Variants in STAC observed in about 807,000 individuals in gnomAD.
STAC encodes the protein SH3 and cysteine rich domain.
A neutral mutation model predicts 48.8 loss-of-function variants in STAC; 43 were observed. That is an observed-to-expected ratio of 0.88 (90% CI 0.69 to 1.14). The LOEUF (loss-of-function observed/expected upper bound fraction) is 1.14. Among genes scored for constraint, STAC ranks in the 50% most tolerant of loss-of-function variants. The probability of loss-of-function intolerance (pLI) is 0.00; values close to 1 mark genes in which losing one functional copy is unlikely to be tolerated. For synonymous variants in STAC, 193 were observed against 179.5 expected, an observed-to-expected ratio of 1.07 and a Z score of -0.60; for missense variants, 497 against 504.0, an observed-to-expected ratio of 0.99 and a Z score of 0.13.
intron 6 of STAC, among the ~76,000 whole-genome samples, chr3:36,498,471 G>A (rs1698201278): frequency 6.6e-6 from 1 of 152,140 alleles, no homozygotes; most frequent in Admixed American, 6.5e-5. Context: ...AGAGAATGGG[G>A]CCCCAGGCAC....
intron 8 of STAC, among the ~76,000 whole-genome samples, chr3:36,521,598 G>A (rs371806188): frequency 1.6e-3 from 250 of 152,176 alleles, no homozygotes; most frequent in African/African-American, 5.7e-3. Context: ...CCATAGCTCC[G>A]AATCACACCA....
intron 1 of STAC, among the ~76,000 whole-genome samples, chr3:36,381,984 T>G (rs1699519511): frequency 6.6e-6 from 1 of 152,212 alleles, no homozygotes; most frequent in South Asian, 2.1e-4. Flanking sequence ...AGAGACATTG[T>G]GAGGAGTACA....
chr3:36,398,351 G>GAAAA (rs1422863670), intron 1 of STAC, among the ~76,000 whole-genome samples: 1 of 133,140 alleles, frequency 7.5e-6, no homozygotes, highest in Non-Finnish European at 1.7e-5. Flanking sequence ...AAGAAAGAAA[G>GAAAA]AAAGAAAGAA....
chr3:36,423,373 AATTAATT>A (rs370046811), intron 1 of STAC, among the ~76,000 whole-genome samples: 63 of 151,934 alleles, frequency 4.1e-4, no homozygotes, highest in African/African-American at 1.2e-3. Context: ...AAAATGGAAT[AATTAATT>A]ATTCTGCTGC....
chr3:36,488,763 GA>G (rs1697884491), intron 5 of STAC, among the ~76,000 whole-genome samples: 1 of 152,056 alleles, frequency 6.6e-6, no homozygotes, highest in Non-Finnish European at 1.5e-5. Context: ...CTCTCACCTA[GA>G]TTATTATAAA....
At chr3:36,413,372 T>C (rs1559482076) in intron 1 of STAC, among the ~76,000 whole-genome samples, 1 of 152,216 alleles carries the variant, frequency 6.6e-6, no homozygotes, top group Admixed American at 6.5e-5. Flanking sequence ...ATTGGGTGCA[T>C]ATATATTTAG....
At position 36,504,378 on chromosome 3, in the gene STAC, T is replaced by A; in HGVS notation, c.767-15T>A. ...CTAGATTCATAGAGCACCTGCTTTC[T>A]CTTGTCTCCTTCAGTGTTTACATAT... On this transcript the variant is annotated splice_polypyrimidine_tract_variant and intron_variant, in intron 6 of 10. Transcript: ENST00000273183. The A allele has an allele frequency of 1.9e-6, 3 of 1,611,922 alleles. No individual in the cohort carries two copies. The highest frequency in any genetic ancestry group is 2.5e-6 in the Non-Finnish European group (3 of 1,178,448).
chr3:36,408,861 T>A (rs1700136348), intron 1 of STAC, among the ~76,000 whole-genome samples: 1 of 152,204 alleles, frequency 6.6e-6, no homozygotes, highest in Non-Finnish European at 1.5e-5. Flanking sequence ...TTAGACCAGG[T>A]TGAAACTTGG....
At chr3:36,413,433 CTTCT>C (rs1422361970) in intron 1 of STAC, among the ~76,000 whole-genome samples, 3 of 152,254 alleles carry the variant, frequency 2.0e-5, no homozygotes, top group Non-Finnish European at 4.4e-5. Context: ...ATGTAATGGC[CTTCT>C]TTGTCTCTTT....
intron 2 of STAC, among the ~76,000 whole-genome samples, chr3:36,446,418 T>A (rs369589032): frequency 6.6e-6 from 1 of 152,238 alleles, no homozygotes; most frequent in South Asian, 2.1e-4. Flanking sequence ...CTGTCTCTTG[T>A]ACTTGGCTAG....
intron 1 of STAC, among the ~76,000 whole-genome samples, chr3:36,422,648 C>A (rs1008596580): frequency 6.6e-6 from 1 of 152,034 alleles, no homozygotes; most frequent in African/African-American, 2.4e-5. Flanking sequence ...TTAGTCTCTG[C>A]CAACAGAGGC....
rs1222530491 is a variant in STAC, at chr3:36,468,930, A to G, written c.389-14062A>G. On this transcript the variant is annotated intron_variant, in intron 2 of 10. Transcript: ENST00000273183. The stretch of plus-strand genomic sequence containing the variant: ...TACTCTTGCTCACTTTTGGTGTCCA[A>G]TTGCATGTAAAATCTTTTTCCACCC... 4.0e-5 allele frequency among the ~76,000 whole-genome samples: 6 copies of G among 151,896 alleles called. No homozygotes were observed. In the South Asian group the frequency reaches 1.0e-3, roughly 26 times the overall value.
chr3:36,500,820 G>A (rs1418477626), intron 6 of STAC, among the ~76,000 whole-genome samples: 1 of 152,152 alleles, frequency 6.6e-6, no homozygotes, highest in Non-Finnish European at 1.5e-5. Context: ...GCTGGGCATG[G>A]TGGCTCACAC....
chr3:36,544,967 G>A (rs1312783884), intron 10 of STAC, among the ~76,000 whole-genome samples: 4 of 152,218 alleles, frequency 2.6e-5, no homozygotes, highest in Non-Finnish European at 5.9e-5. Flanking sequence ...AGCTCCAGGA[G>A]TCACAAATCA....
chr3:36,445,908 G>A (rs530262709), intron 2 of STAC, among the ~76,000 whole-genome samples: 51 of 152,198 alleles, frequency 3.4e-4, no homozygotes, highest in East Asian at 2.9e-3. Flanking sequence ...GACACCCTCC[G>A]TGTACACTCA....
intron 3 of STAC, among the ~76,000 whole-genome samples, chr3:36,484,001 T>C (rs1697731039): frequency 6.6e-6 from 1 of 152,120 alleles, no homozygotes. Flanking sequence ...TGTTTGAAAC[T>C]AGGATGGCCA....
At chr3:36,457,779 C>G (rs1329021615) in intron 2 of STAC, among the ~76,000 whole-genome samples, 1 of 152,158 alleles carries the variant, frequency 6.6e-6, no homozygotes, top group Non-Finnish European at 1.5e-5. Flanking sequence ...TTAAGCAAAA[C>G]ACACAAAAGA....
At chr3:36,424,058 T>C (rs939840000) in intron 1 of STAC, among the ~76,000 whole-genome samples, 2 of 152,180 alleles carry the variant, frequency 1.3e-5, no homozygotes, top group African/African-American at 4.8e-5. Flanking sequence ...AGGGGCATGT[T>C]GTTGCTTCTC....
intron 2 of STAC, among the ~76,000 whole-genome samples, chr3:36,479,800 G>C (rs1697596675): frequency 6.6e-6 from 1 of 152,210 alleles, no homozygotes; most frequent in Admixed American, 6.5e-5. Flanking sequence ...CAATGACTTT[G>C]TGATGGGGAT....
Sources: gnomAD v4.1 joint callset for allele counts (sites outside exome capture counted in the v4.1 genomes callset) on GRCh38, gnomAD v4.1.1 for gene constraint, MANE v1.5 for transcripts, NCBI Gene and HGNC (gene_info 2026-07-23, HGNC 2026-07-21) for gene names.